The following HMCN1 variants were observed in gnomAD, a reference collection of about 807,000 sequenced individuals.
HMCN1 encodes hemicentin-1.
HMCN1 carries 321 observed loss-of-function variants against 625.9 expected under a neutral mutation model. The ratio of observed to expected loss-of-function variants is 0.51; its 90% CI spans 0.47 to 0.56. The LOEUF (loss-of-function observed/expected upper bound fraction) is 0.56, where lower values mean the gene tolerates loss of function less well. Ranked by LOEUF, HMCN1 falls within the 20% of genes least tolerant of loss-of-function variation. The pLI is 0.00. For missense variants in HMCN1, 6,588 were observed against 6,887.3 expected (o/e 0.96, Z 1.54); for synonymous variants, 2,425 against 2,417.6 (o/e 1.00, Z -0.09).
intron 75 of HMCN1, among the ~76,000 whole-genome samples, chr1:186,115,855 A>T (rs1219377679): frequency 2.0e-5 from 3 of 147,420 alleles, no homozygotes; most frequent in Admixed American, 6.8e-5. Context: ...CATTTTCTCC[A>T]TTTTTTTTTT....
intron 103 of HMCN1, among the ~76,000 whole-genome samples, chr1:186,175,338 C>G (rs375270084): frequency 6.6e-6 from 1 of 152,156 alleles, no homozygotes; most frequent in African/African-American, 2.4e-5. Flanking sequence ...TAAATACTAG[C>G]TTCTGGGTTT....
rs1372802853 is a variant in HMCN1 at position 186,132,376 on chromosome 1, G to T, written c.13279G>T (p.Val4427Leu). 4 of 1,612,718 alleles carry T rather than the reference G, an allele frequency of 2.5e-6. No individual in the cohort carries two copies. The highest frequency in any genetic ancestry group is 3.4e-6 in the Non-Finnish European group (4 of 1,179,328). ...ATGTGTAGCTACCAATGAAGCTGGG[G>T]TGGTGGAGCGCAGCATGAGTCTGAC... ...YTCVATNEAG[V>L]VERSMSLTLQ... Residue 4427 changes from valine (V) to leucine (L), a missense_variant, in exon 86 of 107, where the codon GTG becomes TTG. Coordinates refer to ENST00000271588, the MANE Select transcript of HMCN1 (RefSeq NM_031935.3).
intron 100 of HMCN1, among the ~76,000 whole-genome samples, chr1:186,170,047 C>T (rs1383775097): frequency 2.0e-5 from 3 of 151,344 alleles, no homozygotes; most frequent in Admixed American, 6.6e-5. Context: ...GACATTTATG[C>T]AGCCAACAAA....
chr1:185,920,015 C>G (rs778993973), intron 6 of HMCN1, among the ~76,000 whole-genome samples: 1 of 152,220 alleles, frequency 6.6e-6, no homozygotes, highest in African/African-American at 2.4e-5. Flanking sequence ...GGAGCTTAGA[C>G]AAGAAAGAGG....
intron 11 of HMCN1, among the ~76,000 whole-genome samples, chr1:185,951,328 T>C (rs1009989483): frequency 2.0e-5 from 3 of 151,656 alleles, no homozygotes; most frequent in African/African-American, 7.3e-5. Context: ...GAGTATTGTC[T>C]AAGTTGGCAC....
intron 97 of HMCN1, among the ~76,000 whole-genome samples, chr1:186,159,546 G>A (rs985951434): frequency 6.6e-6 from 1 of 152,170 alleles, no homozygotes; most frequent in Non-Finnish European, 1.5e-5. Flanking sequence ...GTATGGTATT[G>A]GCTGTGGGTT....
At chr1:186,136,544 G>T in intron 86 of HMCN1, 124 bp from the exon 87 acceptor site, 1 of 844,696 alleles carries the variant, frequency 1.2e-6, no homozygotes, top group Non-Finnish European at 2.0e-6. Context: ...TCTTAGTTGG[G>T]AAGCAACAGT....
intron 4 of HMCN1, among the ~76,000 whole-genome samples, chr1:185,867,177 G>T (rs1222614384): frequency 6.6e-6 from 1 of 152,182 alleles, no homozygotes; most frequent in Non-Finnish European, 1.5e-5. Flanking sequence ...TCTTAAAAAT[G>T]TATTCTTGGA....
chr1:185,765,086 G>T (rs1172505156), intron 1 of HMCN1, among the ~76,000 whole-genome samples: 1 of 152,072 alleles, frequency 6.6e-6, no homozygotes, highest in African/African-American at 2.4e-5. Flanking sequence ...GACTTGGTGT[G>T]GTACCAAATG....
At chr1:186,089,367 C>T (rs1659707298) in intron 63 of HMCN1, among the ~76,000 whole-genome samples, 1 of 151,930 alleles carries the variant, frequency 6.6e-6, no homozygotes, top group South Asian at 2.1e-4. Flanking sequence ...AGTTGAAATA[C>T]TTTTTCTTCC....
chr1:185,759,283 T>C (rs1425775257), intron 1 of HMCN1, among the ~76,000 whole-genome samples: 1 of 152,222 alleles, frequency 6.6e-6, no homozygotes, highest in Non-Finnish European at 1.5e-5. Context: ...AGGTCAGTCA[T>C]ATGGCTGTTG....
At chr1:185,840,038 A>G (rs1661384747) in intron 1 of HMCN1, among the ~76,000 whole-genome samples, 1 of 152,196 alleles carries the variant, frequency 6.6e-6, no homozygotes, top group Admixed American at 6.5e-5. Flanking sequence ...ATGAATAGGA[A>G]TGTACTCAAC....
intron 4 of HMCN1, among the ~76,000 whole-genome samples, chr1:185,885,063 C>T (rs1664552257): frequency 6.6e-6 from 1 of 150,616 alleles, no homozygotes; most frequent in African/African-American, 2.5e-5. Flanking sequence ...TAATGCCATC[C>T]TTGGACATGC....
chr1:185,963,679 G>A, intron 12 of HMCN1, 89 bp from the exon 13 acceptor site: 2 of 1,022,550 alleles, frequency 2.0e-6, no homozygotes, highest in Non-Finnish European at 3.0e-6. Flanking sequence ...TACAACGTTT[G>A]AAAATATTTT....
intron 40 of HMCN1, 95 bp from the exon 41 acceptor site, chr1:186,045,593 C>T (rs1366940541): frequency 1.1e-6 from 1 of 940,426 alleles, no homozygotes; most frequent in East Asian, 2.4e-5. Context: ...TTTAAAAGAA[C>T]CAATAAAGGT....
At chr1:186,147,318 C>T (rs918939995) in intron 93 of HMCN1, among the ~76,000 whole-genome samples, 1 of 151,368 alleles carries the variant, frequency 6.6e-6, no homozygotes, top group African/African-American at 2.4e-5. Context: ...TCCAACCTTA[C>T]ATTTATTTGT....
intron 105 of HMCN1, 98 bp downstream of exon 105, chr1:186,182,385 C>T (rs1171198487): frequency 2.2e-6 from 3 of 1,366,192 alleles, no homozygotes; most frequent in East Asian, 4.8e-5. Flanking sequence ...CTAGTGGCTT[C>T]CCCTTCTTAC....
At chr1:186,023,215 G>C in intron 36 of HMCN1, 62 bp downstream of exon 36, 1 of 1,446,358 alleles carries the variant, frequency 6.9e-7, no homozygotes, top group Admixed American at 1.7e-5. Flanking sequence ...AACATAGTGG[G>C]CTCATTTTTA....
chr1:185,832,662 A>G (rs901193234), intron 1 of HMCN1, among the ~76,000 whole-genome samples: 12 of 152,210 alleles, frequency 7.9e-5, no homozygotes, highest in African/African-American at 2.9e-4. Flanking sequence ...AACCATAAAT[A>G]TACTTGAAGA....
Sources: allele counts gnomAD v4.1 joint callset (sites outside exome capture counted in the v4.1 genomes callset), GRCh38; gene constraint gnomAD v4.1.1; transcripts MANE v1.5; gene names NCBI Gene and HGNC (gene_info 2026-07-23, HGNC 2026-07-21).